ST3GAL3: variants seen among roughly 807,000 people sequenced by gnomAD.
ST3GAL3 encodes ST3 beta-galactoside alpha-2,3-sialyltransferase 3, also known as CMP-N-acetylneuraminate-beta-1,4-galactoside alpha-2,3-sialyltransferase.
Under a neutral mutation model 50.1 loss-of-function variants are expected in ST3GAL3, and 21 were observed. That is an observed-to-expected ratio of 0.42 (90% confidence interval 0.30 to 0.60). The LOEUF (loss-of-function observed/expected upper bound fraction) is 0.60, where lower values mean the gene tolerates loss of function less well. Ranked by LOEUF, ST3GAL3 falls within the 20% of genes least tolerant of loss-of-function variation. The pLI, the probability that ST3GAL3 is intolerant of heterozygous loss-of-function variation, is 0.19. For missense variants in ST3GAL3, 353 were observed against 489.4 expected (o/e 0.72, Z 2.63); for synonymous variants, 183 against 190.0 (o/e 0.96, Z 0.30).
At position 43,783,336 on chromosome 1, in the gene ST3GAL3, A is replaced by G. The variant is rs11210921; in HGVS notation, c.119-8766A>G. On this transcript the variant is annotated intron_variant, in intron 2 of 11. Transcript: ENST00000347631. ...CCTGGCTGACTTCCCTTCCATTCCT[A>G]TTCACCCAGGCTGGCTCCTTTCAGT... 2.5e-3 allele frequency among the ~76,000 whole-genome samples: 382 copies of G among 151,736 alleles called. 2 individuals carry two copies. Among genetic ancestry groups the G allele is most frequent in the African/African-American group, 8.6e-3 (355 of 41,360 alleles).
intron 7 of ST3GAL3, chr1:43,898,532 T>G (rs2077727998): frequency 1.6e-6 from 1 of 608,440 alleles, no homozygotes; most frequent in Non-Finnish European, 3.0e-6. Context: ...TACCAGAGGT[T>G]TGAGGGTAAG....
chr1:43,875,801 C>T lies in ST3GAL3; in HGVS notation c.303-18582C>T, dbSNP rs192137433. ...TTCTTTATAGCAGCGTGAGAACAGA[C>T]TAATACATGAAGAAAATTCATCTCT... On this transcript the variant is annotated intron_variant, in intron 5 of 11. Coordinates refer to ENST00000347631, the MANE Select transcript of ST3GAL3 (RefSeq NM_006279.5). Among the ~76,000 whole-genome samples the T allele has an allele frequency of 4.6e-3, 706 of 152,108 alleles. 6 individuals are homozygous for T. The highest frequency in any genetic ancestry group is 0.016 in the African/African-American group (679 of 41,462).
chr1:43,746,698 G>A (rs1020125996), intron 2 of ST3GAL3, among the ~76,000 whole-genome samples: 1 of 151,486 alleles, frequency 6.6e-6, no homozygotes, highest in African/African-American at 2.4e-5. Flanking sequence ...TCCTGACCTT[G>A]TGATTCACCT....
At chr1:43,793,780 A>G (rs2058365636) in intron 3 of ST3GAL3, among the ~76,000 whole-genome samples, 1 of 152,220 alleles carries the variant, frequency 6.6e-6, no homozygotes, top group African/African-American at 2.4e-5. Flanking sequence ...AGACCCTATT[A>G]AGAGAGTGAA....
intron 2 of ST3GAL3, among the ~76,000 whole-genome samples, chr1:43,740,280 T>C (rs894059858): frequency 4.0e-5 from 6 of 151,340 alleles, no homozygotes; most frequent in Admixed American, 4.0e-4. Flanking sequence ...GGAGAACCGC[T>C]TGAACTCGGG....
intron 11 of ST3GAL3, chr1:43,929,909 A>ACATGT: frequency 1.5e-6 from 1 of 680,020 alleles, no homozygotes; most frequent in South Asian, 1.5e-5. Flanking sequence ...AAGGGGTATG[A>ACATGT]AGGTTCTTTT....
chr1:43,859,126 A>C (rs1019806505), intron 5 of ST3GAL3, among the ~76,000 whole-genome samples: 1 of 152,218 alleles, frequency 6.6e-6, no homozygotes, highest in Non-Finnish European at 1.5e-5. Flanking sequence ...GTATTGGGCC[A>C]CGTGGCCTCT....
At chr1:43,765,813 G>A (rs751733384) in intron 2 of ST3GAL3, among the ~76,000 whole-genome samples, 12 of 145,426 alleles carry the variant, frequency 8.3e-5, no homozygotes, top group East Asian at 2.0e-4. Context: ...CCGCGCGTCC[G>A]CGTGCGCTTT....
intron 1 of ST3GAL3, 148 bp from the exon 2 acceptor site, chr1:43,736,085 G>T: frequency 1.4e-6 from 1 of 714,598 alleles, no homozygotes; most frequent in South Asian, 1.7e-5. Context: ...TTGAGATGGG[G>T]ATGAGCAGGT....
intron 1 of ST3GAL3, among the ~76,000 whole-genome samples, chr1:43,733,106 C>T (rs1413062936): frequency 6.6e-6 from 1 of 151,900 alleles, no homozygotes; most frequent in African/African-American, 2.4e-5. Flanking sequence ...GCAATCTTCC[C>T]GCCTCAGCCT....
chr1:43,876,674 A>G (rs2154252287), intron 5 of ST3GAL3, among the ~76,000 whole-genome samples: 1 of 152,296 alleles, frequency 6.6e-6, no homozygotes, highest in South Asian at 2.1e-4. Context: ...TGTGTCTAGA[A>G]TGACCTACAG....
intron 9 of ST3GAL3, among the ~76,000 whole-genome samples, chr1:43,916,385 G>C (rs1177515147): frequency 1.3e-5 from 2 of 152,180 alleles, no homozygotes; most frequent in African/African-American, 2.4e-5. Context: ...ACTCGAACTT[G>C]ATGACCAGCA....
chr1:43,855,130 C>T (rs1395199001), intron 5 of ST3GAL3, among the ~76,000 whole-genome samples: 1 of 152,176 alleles, frequency 6.6e-6, no homozygotes, highest in African/African-American at 2.4e-5. Context: ...AAAACCTCTC[C>T]CCTCAGAGAT....
intron 5 of ST3GAL3, among the ~76,000 whole-genome samples, chr1:43,878,499 C>T (rs1386332745): frequency 1.3e-5 from 2 of 152,008 alleles, no homozygotes; most frequent in African/African-American, 2.4e-5. Context: ...TGGAAGGAGG[C>T]GAGGAATGAG....
chr1:43,724,175 G>C (rs527955055), intron 1 of ST3GAL3, among the ~76,000 whole-genome samples: 1 of 152,066 alleles, frequency 6.6e-6, no homozygotes, highest in Admixed American at 6.6e-5. Context: ...ATTGTGTCTA[G>C]AGTTGGGGAA....
At chr1:43,887,412 A>G (rs17474535) in intron 5 of ST3GAL3, among the ~76,000 whole-genome samples, 14,531 of 152,298 alleles carry the variant, frequency 0.095, 916 homozygotes, top group South Asian at 0.23. Flanking sequence ...GACTAGAAGT[A>G]TGTATAGAAA....
intron 2 of ST3GAL3, among the ~76,000 whole-genome samples, chr1:43,767,764 G>GTT (rs1693640191): frequency 6.6e-6 from 1 of 151,102 alleles, no homozygotes; most frequent in East Asian, 1.9e-4. Flanking sequence ...CATGGCACGT[G>GTT]TTTACCCATG....
At chr1:43,709,796 G>A (rs1462099219) in intron 1 of ST3GAL3, among the ~76,000 whole-genome samples, 1 of 151,998 alleles carries the variant, frequency 6.6e-6, no homozygotes, top group African/African-American at 2.4e-5. Context: ...GCAATGAGCC[G>A]AGATCGCGCC....
intron 5 of ST3GAL3, chr1:43,850,422 C>T (rs2067068051): frequency 3.4e-6 from 2 of 579,802 alleles, no homozygotes; most frequent in East Asian, 4.5e-5. Flanking sequence ...CAGGGTGGCT[C>T]TGATGCCAGC....
Sources: allele counts gnomAD v4.1 joint callset (sites outside exome capture counted in the v4.1 genomes callset), GRCh38; gene constraint gnomAD v4.1.1; transcripts MANE v1.5; gene names NCBI Gene and HGNC (gene_info 2026-07-23, HGNC 2026-07-21).